The following RANBP2 variants were observed in gnomAD, a reference collection of about 807,000 sequenced individuals.
RANBP2 encodes the protein E3 SUMO-protein ligase RanBP2.
In RANBP2, 57 loss-of-function variants were observed where a neutral mutation model predicts 303.6. The observed-to-expected ratio is 0.19, with a 90% CI of 0.15 to 0.23. RANBP2 has a LOEUF of 0.23. RANBP2 is among the 10% of genes least tolerant of loss of function. RANBP2 has a pLI of 1.00. For synonymous variants in RANBP2, 1,167 were observed against 1,301.5 expected (o/e 0.90, Z 2.23); for missense variants, 3,138 against 3,780.8 (o/e 0.83, Z 4.46).
At chr2:108,862,277 T>C in the RANBP2 span, among the ~76,000 whole-genome samples, 2 of 152,158 alleles carry the variant, frequency 1.3e-5, no homozygotes, top group Non-Finnish European at 2.9e-5. Flanking sequence ...CTTACCTTAC[T>C]ATATGGGCAT....
chr2:109,142,307 CTTA>C, the RANBP2 span, among the ~76,000 whole-genome samples: 4 of 152,334 alleles, frequency 2.6e-5, no homozygotes, highest in African/African-American at 9.6e-5. Context: ...TGTTTACAGT[CTTA>C]TTTTTTCTTA....
At chr2:108,919,197 A>G in the RANBP2 span, among the ~76,000 whole-genome samples, 1 of 152,196 alleles carries the variant, frequency 6.6e-6, no homozygotes, top group African/African-American at 2.4e-5. Context: ...ACGGAAGAGC[A>G]TCCGGGCACA....
chr2:109,515,822 C>A, the RANBP2 span, among the ~76,000 whole-genome samples: 1 of 152,002 alleles, frequency 6.6e-6, no homozygotes, highest in African/African-American at 2.4e-5. Context: ...CTTTTTCAAA[C>A]GATCAGATCT....
chr2:109,098,371 G>A, the RANBP2 span, among the ~76,000 whole-genome samples: 9 of 152,218 alleles, frequency 5.9e-5, no homozygotes, highest in Admixed American at 5.9e-4. Flanking sequence ...AAATTGGAGA[G>A]AGATAACAGC....
chr2:109,647,406 C>T, the RANBP2 span, among the ~76,000 whole-genome samples: 2 of 152,050 alleles, frequency 1.3e-5, no homozygotes, highest in African/African-American at 4.8e-5. Context: ...TTGTGATCCG[C>T]CCACCTCAGC....
At chr2:109,142,092 G>T in the RANBP2 span, among the ~76,000 whole-genome samples, 1 of 151,898 alleles carries the variant, frequency 6.6e-6, no homozygotes, top group Non-Finnish European at 1.5e-5. Flanking sequence ...GCAGCCCCTG[G>T]CCTGTCCCCT....
At chr2:108,771,455 ATTTTTT>A (rs1016333458) in intron 20 of RANBP2, among the ~76,000 whole-genome samples, 1 of 151,482 alleles carries the variant, frequency 6.6e-6, no homozygotes, top group African/African-American at 2.4e-5. Context: ...GTAAACACAA[ATTTTTT>A]TTTGTTTTCT....
the RANBP2 span, among the ~76,000 whole-genome samples, chr2:109,622,860 G>C: frequency 6.6e-6 from 1 of 152,206 alleles, no homozygotes; most frequent in Non-Finnish European, 1.5e-5. Context: ...GGGCACAGTG[G>C]CTCATGCCTG....
the RANBP2 span, among the ~76,000 whole-genome samples, chr2:108,861,472 C>CTTTTT: frequency 1.5e-4 from 19 of 123,522 alleles, 4 homozygotes; most frequent in African/African-American, 6.6e-4. Flanking sequence ...AACTTTCTTC[C>CTTTTT]TTTTTTTTTT....
chr2:109,544,406 A>G, the RANBP2 span: 2 of 1,503,956 alleles, frequency 1.3e-6, no homozygotes, highest in African/African-American at 1.4e-5. Flanking sequence ...CTAGTATATT[A>G]TAGGATATCT....
At chr2:109,595,985 A>T in the RANBP2 span, among the ~76,000 whole-genome samples, 7 of 152,276 alleles carry the variant, frequency 4.6e-5, no homozygotes, top group Middle Eastern at 3.4e-3. Flanking sequence ...CATATAATTC[A>T]CTGAGGCTAT....
the RANBP2 span, among the ~76,000 whole-genome samples, chr2:109,682,569 A>G: frequency 1.2e-4 from 18 of 152,146 alleles, no homozygotes; most frequent in African/African-American, 4.1e-4. Flanking sequence ...TTCCCTACCT[A>G]CATGAAGACG....
chr2:109,558,162 G>A, the RANBP2 span, among the ~76,000 whole-genome samples: 1 of 152,040 alleles, frequency 6.6e-6, no homozygotes, highest in Admixed American at 6.5e-5. Context: ...GAAAACTAAA[G>A]AGAAAGAAAG....
At chr2:109,109,257 G>A in the RANBP2 span, among the ~76,000 whole-genome samples, 1 of 152,238 alleles carries the variant, frequency 6.6e-6, no homozygotes, top group African/African-American at 2.4e-5. Flanking sequence ...GAAGTTCATT[G>A]TTTTGTCAAT....
chr2:108,986,388 G>T, the RANBP2 span, among the ~76,000 whole-genome samples: 1 of 152,254 alleles, frequency 6.6e-6, no homozygotes, highest in Admixed American at 6.5e-5. Context: ...AGGAGGGGGA[G>T]TGTTTGCTTA....
chr2:109,582,817 T>C, the RANBP2 span, among the ~76,000 whole-genome samples: 1 of 152,128 alleles, frequency 6.6e-6, no homozygotes, highest in African/African-American at 2.4e-5. Flanking sequence ...ATGGTTGTGG[T>C]ATAAAAACAG....
chr2:109,316,616 C>T, the RANBP2 span, among the ~76,000 whole-genome samples: 1 of 152,204 alleles, frequency 6.6e-6, no homozygotes, highest in Non-Finnish European at 1.5e-5. Context: ...TTCCCATAGA[C>T]CTCCTGCCCC....
the RANBP2 span, chr2:109,564,656 T>G: frequency 1.2e-6 from 1 of 828,546 alleles, no homozygotes; most frequent in African/African-American, 1.7e-5. Flanking sequence ...AATGATCAGT[T>G]TGATTAACAG....
chr2:108,739,863 C>T lies in RANBP2; in HGVS notation c.783-626C>T, dbSNP rs1480175051. On this transcript the variant is annotated intron_variant, in intron 6 of 28. Transcript: ENST00000283195. ...TTTAGCGGGGCATGGTGGCAGGTGC[C>T]TGTAATCCCAGCTACTCAGAAGGCT... 3.3e-5 allele frequency among the ~76,000 whole-genome samples: 5 copies of T among 152,126 alleles called. No individual in the cohort carries two copies. In the East Asian group the frequency reaches 7.7e-4, roughly 24 times the overall value.
Sources: allele counts gnomAD v4.1 joint callset (sites outside exome capture counted in the v4.1 genomes callset), GRCh38; gene constraint gnomAD v4.1.1; transcripts MANE v1.5; gene names NCBI Gene and HGNC (gene_info 2026-07-23, HGNC 2026-07-21).